DAB1: variants seen among roughly 807,000 people sequenced by gnomAD.
The protein encoded by DAB1 is disabled homolog 1.
A neutral mutation model predicts 64.6 loss-of-function variants in DAB1; 15 were observed. That is an observed-to-expected ratio of 0.23 (90% confidence interval 0.16 to 0.36). The LOEUF (loss-of-function observed/expected upper bound fraction) is 0.36, where lower values mean the gene tolerates loss of function less well. DAB1 is among the 10% of genes least tolerant of loss of function. The pLI, the probability that DAB1 is intolerant of heterozygous loss-of-function variation, is 1.00. For synonymous variants in DAB1, 235 were observed against 251.9 expected (o/e 0.93, Z 0.64); for missense variants, 596 against 706.7 (o/e 0.84, Z 1.78).
intron 7 of DAB1, among the ~76,000 whole-genome samples, chr1:57,557,472 A>G (rs769039430): frequency 1.7e-4 from 26 of 150,692 alleles, no homozygotes; most frequent in South Asian, 1.5e-3. Context: ...GTGTGTGTGT[A>G]TATATATATA....
At chr1:57,464,011 ACAT>A (rs1686875635) in intron 7 of DAB1, among the ~76,000 whole-genome samples, 1 of 152,170 alleles carries the variant, frequency 6.6e-6, no homozygotes, top group African/African-American at 2.4e-5. Flanking sequence ...TTGGGAGAAA[ACAT>A]CAGGAAGCTA....
chr1:57,305,101 TTAA>T (rs1674021794), intron 1 of DAB1, among the ~76,000 whole-genome samples: 1 of 152,152 alleles, frequency 6.6e-6, no homozygotes, highest in Non-Finnish European at 1.5e-5. Flanking sequence ...TTCTGAAGAC[TTAA>T]TAATATTTAC....
intron 7 of DAB1, among the ~76,000 whole-genome samples, chr1:57,573,037 C>T (rs1283368004): frequency 2.6e-5 from 4 of 152,282 alleles, no homozygotes; most frequent in African/African-American, 9.6e-5. Context: ...GAGATTTGGG[C>T]AGGGACAAAT....
chr1:57,668,494 T>G (rs1180900460), intron 6 of DAB1, among the ~76,000 whole-genome samples: 2 of 152,120 alleles, frequency 1.3e-5, no homozygotes, highest in Admixed American at 1.3e-4. Context: ...GAAGGCATAA[T>G]TTCGAAATGT....
At chr1:57,395,365 C>A in intron 1 of DAB1, among the ~76,000 whole-genome samples, 1 of 152,048 alleles carries the variant, frequency 6.6e-6, no homozygotes, top group Non-Finnish European at 1.5e-5. Context: ...ACTTGGCACC[C>A]GGGGAGACCA....
chr1:57,139,506 C>A (rs558620796), intron 3 of DAB1, among the ~76,000 whole-genome samples: 1 of 152,240 alleles, frequency 6.6e-6, no homozygotes, highest in Admixed American at 6.5e-5. Flanking sequence ...TAAGAAGTGA[C>A]CTCCTAAAGG....
intron 3 of DAB1, among the ~76,000 whole-genome samples, chr1:58,394,004 C>T (rs368585547): frequency 1.1e-3 from 165 of 151,914 alleles, no homozygotes; most frequent in Non-Finnish European, 6.0e-4. Flanking sequence ...TATTATTTGT[C>T]AATTAAATAT....
intron 4 of DAB1, among the ~76,000 whole-genome samples, chr1:58,341,407 A>G (rs1031902131): frequency 2.0e-5 from 3 of 152,206 alleles, no homozygotes; most frequent in African/African-American, 7.2e-5. Context: ...TCCCAGTTTC[A>G]TGCTCTTTCA....
intron 7 of DAB1, among the ~76,000 whole-genome samples, chr1:57,460,250 T>C (rs1322273480): frequency 6.6e-6 from 1 of 152,182 alleles, no homozygotes; most frequent in African/African-American, 2.4e-5. Flanking sequence ...TTCGTCCCCA[T>C]CCCCTTGTTT....
At chr1:58,204,623 T>C (rs911815613) in intron 4 of DAB1, among the ~76,000 whole-genome samples, 2 of 152,096 alleles carry the variant, frequency 1.3e-5, no homozygotes, top group African/African-American at 4.8e-5. Flanking sequence ...TTCTTCAGAG[T>C]TGTCTCACCC....
chr1:58,199,493 T>C (rs921918115), intron 4 of DAB1, among the ~76,000 whole-genome samples: 6 of 152,184 alleles, frequency 3.9e-5, no homozygotes, highest in Non-Finnish European at 8.8e-5. Context: ...AGTTCCTTTT[T>C]TGTAAAATGA....
At chr1:57,715,680 C>T (rs1266066378) in intron 6 of DAB1, among the ~76,000 whole-genome samples, 1 of 151,764 alleles carries the variant, frequency 6.6e-6, no homozygotes, top group African/African-American at 2.4e-5. Context: ...AAAAGCAATC[C>T]CATTTATAAT....
chr1:58,546,312 G>A (rs1242968936), intron 1 of DAB1, among the ~76,000 whole-genome samples: 1 of 152,230 alleles, frequency 6.6e-6, no homozygotes, highest in Admixed American at 6.5e-5. Flanking sequence ...GGAGCCCGAA[G>A]CCCCGCGGGT....
intron 7 of DAB1, among the ~76,000 whole-genome samples, chr1:57,454,474 G>T (rs965429391): frequency 6.6e-6 from 1 of 152,004 alleles, no homozygotes; most frequent in East Asian, 1.9e-4. Context: ...TGAACACAAA[G>T]AAATGAACAA....
intron 3 of DAB1, among the ~76,000 whole-genome samples, chr1:58,379,347 A>G (rs903698067): frequency 1.3e-5 from 2 of 152,214 alleles, no homozygotes; most frequent in Non-Finnish European, 2.9e-5. Context: ...AATACCACAT[A>G]CTACTACTAA....
intron 6 of DAB1, among the ~76,000 whole-genome samples, chr1:57,766,504 G>T (rs1649318263): frequency 6.6e-6 from 1 of 152,034 alleles, no homozygotes; most frequent in African/African-American, 2.4e-5. Flanking sequence ...TGCACCTCAA[G>T]GTTTTTCCTT....
At chr1:58,391,408 G>A (rs1181602099) in intron 3 of DAB1, among the ~76,000 whole-genome samples, 2 of 152,180 alleles carry the variant, frequency 1.3e-5, no homozygotes, top group Non-Finnish European at 2.9e-5. Context: ...TAAAATACAG[G>A]GCAGAGGAGG....
intron 6 of DAB1, among the ~76,000 whole-genome samples, chr1:57,796,551 A>C (rs184141395): frequency 7.6e-4 from 113 of 147,986 alleles, no homozygotes; most frequent in Middle Eastern, 3.6e-3. Flanking sequence ...TAATAATAAT[A>C]ATAATAATAA....
chr1:58,318,263 C>T (rs1200744504), intron 4 of DAB1, among the ~76,000 whole-genome samples: 9 of 152,184 alleles, frequency 5.9e-5, no homozygotes, highest in Admixed American at 5.9e-4. Flanking sequence ...GAGACAGATA[C>T]TCCTGGAGTC....
Sources: allele counts gnomAD v4.1 joint callset (sites outside exome capture counted in the v4.1 genomes callset), GRCh38; gene constraint gnomAD v4.1.1; transcripts MANE v1.5; gene names NCBI Gene and HGNC (gene_info 2026-07-23, HGNC 2026-07-21).